The following KCNIP4 variants were observed in gnomAD, a reference collection of about 807,000 sequenced individuals.
The protein encoded by KCNIP4 is potassium voltage-gated channel interacting protein 4.
Under a neutral mutation model 34.0 loss-of-function variants are expected in KCNIP4, and 12 were observed. The ratio of observed to expected loss-of-function variants is 0.35; its 90% confidence interval spans 0.23 to 0.57. The LOEUF is 0.57. Ranked by LOEUF, KCNIP4 falls within the 20% of genes least tolerant of loss-of-function variation. The probability of loss-of-function intolerance (pLI) is 0.83; values close to 1 mark genes in which losing one functional copy is unlikely to be tolerated. For missense variants in KCNIP4, 238 were observed against 311.7 expected (o/e 0.76, Z 1.78); for synonymous variants, 124 against 102.2 (o/e 1.21, Z -1.29).
At chr4:21,249,854 GA>G (rs1760561746) in intron 1 of KCNIP4, among the ~76,000 whole-genome samples, 1 of 152,008 alleles carries the variant, frequency 6.6e-6, no homozygotes, top group South Asian at 2.1e-4. Context: ...ATTTATCTAT[GA>G]AAAAATTTTC....
At position 21,712,027 on chromosome 4, in the gene KCNIP4, T is replaced by G. The variant is rs182023431; in HGVS notation, c.61+236544A>C. Among the ~76,000 whole-genome samples the G allele has an allele frequency of 1.4e-4, 21 of 152,278 alleles. No individual in the cohort carries two copies. In the East Asian group the frequency reaches 3.7e-3, roughly 27 times the overall value. ...ACCCCAAACCTGTGCTCTAAAGCAT[T>G]GTGGAACATCAAAAGCCTCTCTGCC... On this transcript the variant is annotated intron_variant, in intron 1 of 8. Coordinates refer to ENST00000382152, the MANE Select transcript of KCNIP4 (RefSeq NM_025221.6).
intron 1 of KCNIP4, among the ~76,000 whole-genome samples, chr4:21,112,025 G>GTATCCATCTATCTATCTATCTATC (rs35053587): frequency 8.7e-5 from 10 of 114,728 alleles, no homozygotes; most frequent in African/African-American, 2.7e-4. Flanking sequence ...TCCTTTCTCT[G>GTATCCATCTATCTATCTATCTATC]TATCTATCTA....
At chr4:21,669,203 G>A (rs967956566) in intron 1 of KCNIP4, among the ~76,000 whole-genome samples, 4 of 144,224 alleles carry the variant, frequency 2.8e-5, no homozygotes, top group South Asian at 4.6e-4. Context: ...ATAGCTTGCT[G>A]CAGCCTCGAC....
intron 1 of KCNIP4, among the ~76,000 whole-genome samples, chr4:21,077,154 T>A (rs921136422): frequency 1.3e-5 from 2 of 151,696 alleles, no homozygotes; most frequent in African/African-American, 4.8e-5. Context: ...ATTAAATAAA[T>A]AAAAATTAAA....
Position 21,380,166 on chromosome 4 carries a change from G to A in KCNIP4, c.62-497457C>T, listed in dbSNP as rs193051146. ...AAGGCAGAATGTACATTGTAAAAAC[G>A]CTACACTAAAACCTAAGCATATTTT... is the stretch of plus-strand genomic sequence containing the variant. On this transcript the variant is annotated intron_variant, in intron 1 of 8. Transcript: ENST00000382152. 1.4e-3 allele frequency among the ~76,000 whole-genome samples: 218 copies of A among 152,040 alleles called. 1 individual carries two copies. The highest frequency in any genetic ancestry group is 3.4e-3 in the Middle Eastern group (1 of 294).
At chr4:20,889,465 A>T (rs552263057) in intron 1 of KCNIP4, among the ~76,000 whole-genome samples, 20 of 152,250 alleles carry the variant, frequency 1.3e-4, no homozygotes, top group Admixed American at 4.6e-4. Context: ...TCAAAATGTA[A>T]GATGATTTTT....
intron 1 of KCNIP4, among the ~76,000 whole-genome samples, chr4:21,034,544 C>A (rs909138015): frequency 4.6e-5 from 7 of 152,144 alleles, no homozygotes; most frequent in African/African-American, 1.7e-4. Context: ...TCTTCCTTAG[C>A]ATGGTAGCCT....
chr4:21,391,741 C>T (rs1163819123), intron 1 of KCNIP4, among the ~76,000 whole-genome samples: 1 of 152,206 alleles, frequency 6.6e-6, no homozygotes, highest in African/African-American at 2.4e-5. Context: ...CTACGGGCAG[C>T]TCAAAAGTCT....
intron 1 of KCNIP4, among the ~76,000 whole-genome samples, chr4:21,749,882 C>G (rs762124403): frequency 9.2e-5 from 14 of 152,172 alleles, no homozygotes; most frequent in Non-Finnish European, 1.5e-4. Flanking sequence ...ATATTCCATA[C>G]TTAGAGTCTA....
chr4:21,750,779 G>C (rs1717101157), intron 1 of KCNIP4, among the ~76,000 whole-genome samples: 1 of 152,040 alleles, frequency 6.6e-6, no homozygotes, highest in Non-Finnish European at 1.5e-5. Context: ...AGAAGCTGTG[G>C]GCTGGAGAAT....
chr4:21,234,033 CAT>C (rs1281792925), intron 1 of KCNIP4, among the ~76,000 whole-genome samples: 8 of 112,286 alleles, frequency 7.1e-5, no homozygotes, highest in Middle Eastern at 8.8e-3. Flanking sequence ...TTATATATAA[CAT>C]ATATAACATA....
intron 1 of KCNIP4, among the ~76,000 whole-genome samples, chr4:21,648,410 A>G (rs572866118): frequency 2.7e-4 from 41 of 152,312 alleles, no homozygotes; most frequent in Non-Finnish European, 4.7e-4. Flanking sequence ...GTTATAGTTC[A>G]GGGAAGAAGA....
chr4:21,382,911 T>C (rs868274584), intron 1 of KCNIP4, among the ~76,000 whole-genome samples: 1 of 152,262 alleles, frequency 6.6e-6, no homozygotes, highest in African/African-American at 2.4e-5. Context: ...TTGAATTGTG[T>C]CTCCCAAAAT....
intron 1 of KCNIP4, among the ~76,000 whole-genome samples, chr4:21,468,959 T>C (rs1460490): frequency 0.12 from 17,952 of 152,252 alleles, 1,243 homozygotes; most frequent in South Asian, 0.16. Context: ...CTATTTTTGA[T>C]CTTCTAAACA....
chr4:21,560,325 C>T (rs1274684416), intron 1 of KCNIP4, among the ~76,000 whole-genome samples: 1 of 151,892 alleles, frequency 6.6e-6, no homozygotes, highest in South Asian at 2.1e-4. Flanking sequence ...TGATTAAAGG[C>T]CTTTGAAGCA....
At chr4:21,275,874 T>C (rs1762406494) in intron 1 of KCNIP4, among the ~76,000 whole-genome samples, 2 of 152,194 alleles carry the variant, frequency 1.3e-5, no homozygotes, top group Admixed American at 1.3e-4. Context: ...ATCTTTTGGC[T>C]TCCCTGGACC....
chr4:21,212,544 T>C (rs1362218701), intron 1 of KCNIP4, among the ~76,000 whole-genome samples: 1 of 152,174 alleles, frequency 6.6e-6, no homozygotes, highest in African/African-American at 2.4e-5. Context: ...ATTGCTACAA[T>C]GAATATCACA....
intron 1 of KCNIP4, among the ~76,000 whole-genome samples, chr4:21,081,500 C>A (rs1745999194): frequency 6.6e-6 from 1 of 151,588 alleles, no homozygotes. Context: ...TTAAAATTAA[C>A]CTCAAAACGG....
intron 1 of KCNIP4, among the ~76,000 whole-genome samples, chr4:21,596,099 T>C (rs1742623858): frequency 6.6e-6 from 1 of 152,134 alleles, no homozygotes; most frequent in African/African-American, 2.4e-5. Flanking sequence ...CTCTTAATTG[T>C]TCAGCTTTCA....
Sources: gnomAD v4.1 joint callset for allele counts (sites outside exome capture counted in the v4.1 genomes callset) on GRCh38, gnomAD v4.1.1 for gene constraint, MANE v1.5 for transcripts, NCBI Gene and HGNC (gene_info 2026-07-23, HGNC 2026-07-21) for gene names.